VAT1L: variants seen among roughly 807,000 people sequenced by gnomAD.
The protein encoded by VAT1L is putative NADPH-dependent quinone oxidoreductase VAT1L.
A neutral mutation model predicts 44.1 loss-of-function variants in VAT1L; 34 were observed. The observed-to-expected ratio is 0.77, with a 90% confidence interval of 0.59 to 1.03. The LOEUF (loss-of-function observed/expected upper bound fraction) is 1.03. Ranked by LOEUF, VAT1L falls within the 50% of genes least tolerant of loss-of-function variation. The probability of loss-of-function intolerance (pLI) is 0.00; values close to 1 mark genes in which losing one functional copy is unlikely to be tolerated. For missense variants in VAT1L, 615 were observed against 538.8 expected (o/e 1.14, Z -1.40); for synonymous variants, 253 against 202.2 (o/e 1.25, Z -2.13).
intron 7 of VAT1L, among the ~76,000 whole-genome samples, chr16:77,956,488 G>C (rs2018104822): frequency 6.6e-6 from 1 of 152,326 alleles, no homozygotes; most frequent in East Asian, 1.9e-4. Flanking sequence ...TATGTCAGCT[G>C]CCGCAATGAT....
chr16:77,860,622 G>A (rs1289802913), intron 3 of VAT1L, among the ~76,000 whole-genome samples: 3 of 152,236 alleles, frequency 2.0e-5, no homozygotes, highest in Non-Finnish European at 4.4e-5. Context: ...CTGTCCATAA[G>A]GAGCTATAAC....
chr16:77,961,884 G>C (rs2018163832), intron 7 of VAT1L, among the ~76,000 whole-genome samples: 1 of 152,204 alleles, frequency 6.6e-6, no homozygotes, highest in Admixed American at 6.5e-5. Flanking sequence ...CAGCAAAGAT[G>C]ATGGGAATGC....
chr16:77,826,777 A>G (rs943070666), intron 3 of VAT1L, among the ~76,000 whole-genome samples: 2 of 152,162 alleles, frequency 1.3e-5, no homozygotes, highest in African/African-American at 4.8e-5. Flanking sequence ...AACACATAAC[A>G]TGTTCTAGAC....
intron 1 of VAT1L, among the ~76,000 whole-genome samples, chr16:77,811,901 A>G (rs887887682): frequency 6.6e-6 from 1 of 152,132 alleles, no homozygotes; most frequent in African/African-American, 2.4e-5. Flanking sequence ...TTTGATTTTG[A>G]TAATGTTTGA....
At position 77,977,989 on chromosome 16, in the gene VAT1L, T is replaced by C. The variant is rs753732739; in HGVS notation, c.*294T>C. 3 of 306,556 alleles carry C rather than the reference T, an allele frequency of 9.8e-6. No individual in the cohort carries two copies. The highest frequency in any genetic ancestry group is 2.2e-5 in the African/African-American group (1 of 45,916). 19.0% of individuals were successfully genotyped at this position (306,556 alleles called of 1,614,324 possible). A position where few individuals can be genotyped will look rare whatever the true frequency, so the allele number is the denominator to read the frequency against. ...GTTCTAGAACAGCCTTGCAAATTAA[T>C]ACAAGTCCCAGGCCCAATGCCTAAG... On this transcript the variant is annotated 3_prime_UTR_variant, in exon 9 of 9. Transcript: ENST00000302536.
intron 3 of VAT1L, among the ~76,000 whole-genome samples, chr16:77,832,226 T>C (rs568943323): frequency 1.4e-4 from 22 of 152,096 alleles, no homozygotes; most frequent in Non-Finnish European, 2.9e-4. Context: ...CTCTGTATAG[T>C]CTTTTCAACC....
intron 3 of VAT1L, among the ~76,000 whole-genome samples, chr16:77,835,496 A>G (rs2016629703): frequency 6.6e-6 from 1 of 152,160 alleles, no homozygotes; most frequent in Non-Finnish European, 1.5e-5. Flanking sequence ...CTAGCAGGCA[A>G]TGCATGGGAT....
At chr16:77,832,190 GT>G (rs2016587502) in intron 3 of VAT1L, among the ~76,000 whole-genome samples, 1 of 151,934 alleles carries the variant, frequency 6.6e-6, no homozygotes, top group Admixed American at 6.6e-5. Context: ...CATTAAGGAA[GT>G]ATGGGCAAAC....
intron 3 of VAT1L, among the ~76,000 whole-genome samples, chr16:77,847,429 G>T (rs1042350722): frequency 6.6e-6 from 1 of 152,178 alleles, no homozygotes; most frequent in Non-Finnish European, 1.5e-5. Flanking sequence ...CTCATCCTGT[G>T]CTAGCTGTGT....
At chr16:77,825,174 A>G in intron 2 of VAT1L, 72 bp from the exon 3 acceptor site, 1 of 1,559,152 alleles carries the variant, frequency 6.4e-7, no homozygotes, top group Non-Finnish European at 8.8e-7. Context: ...GCCAGCTCCC[A>G]GTAATTCTGT....
At chr16:77,947,704 G>A (rs1190220928) in intron 7 of VAT1L, among the ~76,000 whole-genome samples, 8 of 152,192 alleles carry the variant, frequency 5.3e-5, no homozygotes, top group Non-Finnish European at 1.0e-4. Flanking sequence ...AGTCCTTTCA[G>A]AACTCTGTTC....
At chr16:77,834,003 C>T (rs555316733) in intron 3 of VAT1L, among the ~76,000 whole-genome samples, 1 of 152,290 alleles carries the variant, frequency 6.6e-6, no homozygotes, top group East Asian at 1.9e-4. Flanking sequence ...ATTCAACAGG[C>T]TTCCTCATTA....
chr16:77,939,612 T>C (rs1220799988), intron 7 of VAT1L, among the ~76,000 whole-genome samples: 3 of 152,116 alleles, frequency 2.0e-5, no homozygotes, highest in Non-Finnish European at 4.4e-5. Flanking sequence ...GCTTCCTGGG[T>C]ACAAGAAAAT....
At chr16:77,807,582 A>C (rs1459616386) in intron 1 of VAT1L, among the ~76,000 whole-genome samples, 1 of 150,670 alleles carries the variant, frequency 6.6e-6, no homozygotes, top group Non-Finnish European at 1.5e-5. Flanking sequence ...CTTTTAGAAC[A>C]CTCCCTATCA....
chr16:77,840,150 C>T (rs535821339), intron 3 of VAT1L, among the ~76,000 whole-genome samples: 2 of 152,214 alleles, frequency 1.3e-5, no homozygotes, highest in South Asian at 2.1e-4. Context: ...TGAGTGGTGG[C>T]TGTGATTATG....
chr16:77,808,727 C>G (rs1219845550), intron 1 of VAT1L, among the ~76,000 whole-genome samples: 1 of 152,136 alleles, frequency 6.6e-6, no homozygotes, highest in Admixed American at 6.5e-5. Flanking sequence ...TCCCACGTAG[C>G]TAGGATTACA....
intron 7 of VAT1L, among the ~76,000 whole-genome samples, chr16:77,923,423 C>G (rs2017633547): frequency 6.6e-6 from 1 of 152,152 alleles, no homozygotes; most frequent in South Asian, 2.1e-4. Flanking sequence ...GCATCCTAGC[C>G]TGGGAGACAG....
chr16:77,804,608 C>G (rs1225936501), intron 1 of VAT1L, among the ~76,000 whole-genome samples: 1 of 152,160 alleles, frequency 6.6e-6, no homozygotes, highest in Admixed American at 6.5e-5. Flanking sequence ...CACTTCCTCC[C>G]TCCTCTCTGT....
chr16:77,956,284 T>C (rs2018102666), intron 7 of VAT1L, among the ~76,000 whole-genome samples: 1 of 152,122 alleles, frequency 6.6e-6, no homozygotes, highest in Non-Finnish European at 1.5e-5. Flanking sequence ...GCCACTAACC[T>C]TCCTGAACCT....
Sources: gnomAD v4.1 joint callset for allele counts (sites outside exome capture counted in the v4.1 genomes callset) on GRCh38, gnomAD v4.1.1 for gene constraint, MANE v1.5 for transcripts, NCBI Gene and HGNC (gene_info 2026-07-23, HGNC 2026-07-21) for gene names.